Variants in OCLN observed in about 807,000 individuals in gnomAD.
The protein encoded by OCLN is phosphatase 1, regulatory subunit 115.
Under a neutral mutation model 47.9 loss-of-function variants are expected in OCLN, and 21 were observed. The ratio of observed to expected loss-of-function variants is 0.44; its 90% CI spans 0.31 to 0.63. The LOEUF is 0.63. OCLN is among the 30% of genes least tolerant of loss of function. The pLI is 0.08. For missense variants in OCLN, 360 were observed against 571.0 expected (o/e 0.63, Z 3.77); for synonymous variants, 117 against 198.4 (o/e 0.59, Z 3.45).
At chr5:69,495,068 A>T (rs530013660) in intron 1 of OCLN, among the ~76,000 whole-genome samples, 33 of 152,154 alleles carry the variant, frequency 2.2e-4, no homozygotes, top group Non-Finnish European at 4.3e-4. Flanking sequence ...ACCTTTTCAA[A>T]ATAGTATATT....
In OCLN at chr5:69,554,404, T is replaced by C. The variant is rs1252817732; in HGVS notation, c.*733T>C. On this transcript the variant is annotated 3_prime_UTR_variant, in exon 9 of 9. Transcript: ENST00000396442. ...GAATTTTGTGTGTTTTTAAATACTT[T>C]TTATCTTTTTGCATGCCTTTTTTAA... is the stretch of plus-strand genomic sequence containing the variant. 1 of 152,164 alleles carries C rather than the reference T, an allele frequency of 6.6e-6. No homozygotes were observed. The highest frequency in any genetic ancestry group is 1.5e-5 in the Non-Finnish European group (1 of 68,044). The allele number at this position is 152,164 out of a possible 1,614,324, so 9.4% of individuals were successfully genotyped here. A position where few individuals can be genotyped will look rare whatever the true frequency, so the allele number is the denominator to read the frequency against.
chr5:69,514,009 C>G lies in OCLN; in HGVS notation c.791C>G (p.Ala264Gly). 6.2e-7 allele frequency: 1 copy of G among 1,613,494 alleles called. No homozygotes were observed. Among genetic ancestry groups the G allele is most frequent in the Non-Finnish European group, 8.5e-7 (1 of 1,179,478 alleles). Residue 264 changes from alanine to glycine, a missense_variant, in exon 4 of 9, where the codon GCT becomes GGT. Coordinates refer to ENST00000396442, the MANE Select transcript of OCLN (RefSeq NM_001205254.2). ...GCTTTTGCTTTAATAATTTTCTTTG[C>G]TGTGAAAACTCGAAGAAAGATGGAC... ...IVAFALIIFF[A>G]VKTRRKMDRY...
rs1768477533 is a variant in OCLN, at chr5:69,502,185, G to A, written c.-68-1992G>A. On this transcript the variant is annotated intron_variant, in intron 1 of 8. Coordinates refer to ENST00000396442, the MANE Select transcript of OCLN (RefSeq NM_001205254.2). Reference sequence around the variant, plus strand: ...TTGCATTCCATCCTGGTGACAGAGCGAGACTCGGCTCAAAAAAAAAAAAAA... The same window carrying A: ...TTGCATTCCATCCTGGTGACAGAGCAAGACTCGGCTCAAAAAAAAAAAAAA... Among the ~76,000 whole-genome samples, 2 of 148,522 alleles carry A rather than the reference G, an allele frequency of 1.3e-5. 1 individual carries two copies. The highest frequency in any genetic ancestry group is 3.0e-5 in the Non-Finnish European group (2 of 67,472).
intron 6 of OCLN, among the ~76,000 whole-genome samples, chr5:69,547,031 T>C (rs1769729450): frequency 6.7e-6 from 1 of 148,358 alleles, no homozygotes; most frequent in South Asian, 2.1e-4. Flanking sequence ...TTTTTCTTCT[T>C]TATACTTTAA....
In OCLN at chr5:69,505,787, AAC is replaced by A. The variant is rs1192773468; in HGVS notation, c.50+1495_50+1496del. Among the ~76,000 whole-genome samples, 15 of 152,308 alleles carry A rather than the reference AAC, an allele frequency of 9.8e-5. 1 individual carries two copies. The highest frequency in any genetic ancestry group is 5.9e-4 in the Admixed American group (9 of 15,300). On this transcript the variant is annotated intron_variant, in intron 2 of 8. Transcript: ENST00000396442. ...GTGGAGTGTGATATAGGCAAAAACA[AAC>A]AGTTTCTCCTGCTGTTCTGTCACAA...
intron 1 of OCLN, among the ~76,000 whole-genome samples, chr5:69,501,892 A>T (rs1412248111): frequency 2.6e-5 from 4 of 151,998 alleles, no homozygotes; most frequent in Non-Finnish European, 5.9e-5. Context: ...ACACTGTCCT[A>T]AAGGGTATAG....
intron 4 of OCLN, among the ~76,000 whole-genome samples, chr5:69,515,484 G>A (rs1315705670): frequency 1.0e-4 from 14 of 140,676 alleles, no homozygotes; most frequent in African/African-American, 3.7e-4. Context: ...AGGGGCGGCC[G>A]GGCAGAGGCG....
chr5:69,549,436 A>G (rs1049983073), intron 7 of OCLN, among the ~76,000 whole-genome samples: 2 of 148,072 alleles, frequency 1.4e-5, no homozygotes, highest in African/African-American at 4.9e-5. Flanking sequence ...AATCCTTATC[A>G]CCAAAATATT....
intron 5 of OCLN, 78 bp from the exon 6 acceptor site, chr5:69,544,825 TA>T (rs1769681920): frequency 1.6e-6 from 1 of 609,654 alleles, no homozygotes; most frequent in Non-Finnish European, 2.9e-6. Flanking sequence ...TGCTGGTGTT[TA>T]TTATGGCTGT....
chr5:69,548,940 G>A (rs1482895210), intron 7 of OCLN, among the ~76,000 whole-genome samples: 6 of 149,986 alleles, frequency 4.0e-5, no homozygotes, highest in African/African-American at 1.5e-4. Flanking sequence ...CAGCCTGGGC[G>A]ACAGAGTGAG....
chr5:69,521,005 G>A (rs1214816043), intron 4 of OCLN, among the ~76,000 whole-genome samples: 1 of 152,068 alleles, frequency 6.6e-6, no homozygotes, highest in African/African-American at 2.4e-5. Context: ...ATGCCACCAC[G>A]TCTAGCTAAT....
intron 2 of OCLN, among the ~76,000 whole-genome samples, chr5:69,505,901 G>C (rs1441384896): frequency 2.6e-5 from 4 of 152,180 alleles, no homozygotes; most frequent in Non-Finnish European, 5.9e-5. Context: ...GACAATAGCT[G>C]TGTGTCCTCT....
chr5:69,518,434 C>T (rs575298627), intron 4 of OCLN, among the ~76,000 whole-genome samples: 48 of 152,312 alleles, frequency 3.2e-4, no homozygotes, highest in Non-Finnish European at 5.7e-4. Flanking sequence ...CTCAGAAAGC[C>T]TATTTAAAAT....
Position 69,554,893 on chromosome 5 carries a change from A to G in OCLN, c.*1222A>G, listed in dbSNP as rs1251205366. Reference sequence around the variant, plus strand: ...TTTCTAAAAACTTTTTTTTAGAATAATCTATAAACTGAACTTTAGTATGCA... The same window carrying G: ...TTTCTAAAAACTTTTTTTTAGAATAGTCTATAAACTGAACTTTAGTATGCA... On this transcript the variant is annotated 3_prime_UTR_variant, in exon 9 of 9. Transcript: ENST00000396442. 1 of 151,208 alleles carries G rather than the reference A, an allele frequency of 6.6e-6. No individual in the cohort carries two copies. Among genetic ancestry groups the G allele is most frequent in the Non-Finnish European group, 1.5e-5 (1 of 67,772 alleles). 9.4% of individuals were successfully genotyped at this position (151,208 alleles called of 1,614,324 possible). A position where few individuals can be genotyped will look rare whatever the true frequency, so the allele number is the denominator to read the frequency against.
chr5:69,502,295 G>T (rs138509364), intron 1 of OCLN: 1 of 56,586 alleles, frequency 1.8e-5, no homozygotes, highest in African/African-American at 8.1e-5. Flanking sequence ...TGTACAGACC[G>T]TATTAGAAAA....
intron 4 of OCLN, among the ~76,000 whole-genome samples, chr5:69,524,531 G>A (rs1167261130): frequency 6.6e-6 from 1 of 152,156 alleles, no homozygotes; most frequent in African/African-American, 2.4e-5. Flanking sequence ...GCAGAGTTAG[G>A]TTATAGATTA....
At chr5:69,494,468 A>G (rs190864783) in intron 1 of OCLN, among the ~76,000 whole-genome samples, 245 of 152,314 alleles carry the variant, frequency 1.6e-3, no homozygotes, top group African/African-American at 5.7e-3. Flanking sequence ...TTACAGGCGT[A>G]AGCCACCACA....
Position 69,509,709 on chromosome 5 carries a change from C to T in OCLN, c.619C>T (p.Leu207=). 1.2e-6 allele frequency: 2 copies of T among 1,614,114 alleles called. No homozygotes were observed. Among genetic ancestry groups the T allele is most frequent in the Non-Finnish European group, 1.7e-6 (2 of 1,179,976 alleles). ...CCCAACTGCTCAGTCTTCTGGATCT[C>T]TATATGGTTCACAAATATATGCCCT... is the stretch of plus-strand genomic sequence containing the variant. ...VNPTAQSSGS[L]YGSQIYALCN... The change falls in exon 3 of 9, where the codon CTA becomes TTA. Residue 207 remains leucine (L), a synonymous_variant. Coordinates refer to ENST00000396442, the MANE Select transcript of OCLN (RefSeq NM_001205254.2).
In OCLN at chr5:69,509,933, C is replaced by T. The variant is rs1053694360; in HGVS notation, c.729+114C>T. 5 of 827,206 alleles carry T rather than the reference C, an allele frequency of 6.0e-6. No homozygotes were observed. The Admixed American group carries it at 9.2e-5, about 15-fold the overall frequency. 51.2% of individuals were successfully genotyped at this position (827,206 alleles called of 1,614,324 possible). A position where few individuals can be genotyped will look rare whatever the true frequency, so the allele number is the denominator to read the frequency against. ...AAAAAATATTGATGACAAGGCTCCA[C>T]TTCTAATTAAATCTGGGGGAGGGGC... On this transcript the variant is annotated intron_variant, in intron 3 of 8. Coordinates refer to ENST00000396442, the MANE Select transcript of OCLN (RefSeq NM_001205254.2).
Sources: allele counts gnomAD v4.1 joint callset (sites outside exome capture counted in the v4.1 genomes callset), GRCh38; gene constraint gnomAD v4.1.1; transcripts MANE v1.5; gene names NCBI Gene and HGNC (gene_info 2026-07-23, HGNC 2026-07-21).